RBM6: variants seen among roughly 807,000 people sequenced by gnomAD.
RBM6 encodes the protein RNA-binding protein 6.
In RBM6, 23 loss-of-function variants were observed where a neutral mutation model predicts 140.4. The observed-to-expected ratio is 0.16, with a 90% CI of 0.12 to 0.23. RBM6 has a LOEUF of 0.23. Among genes scored for constraint, RBM6 ranks in the 10% least tolerant of loss-of-function variants. The pLI, the probability that RBM6 is intolerant of heterozygous loss-of-function variation, is 1.00. For synonymous variants in RBM6, 439 were observed against 475.6 expected (o/e 0.92, Z 1.00); for missense variants, 1,139 against 1,386.7 (o/e 0.82, Z 2.84).
chr3:49,956,488 A>C (rs1009441690), intron 1 of RBM6, among the ~76,000 whole-genome samples: 1 of 150,516 alleles, frequency 6.6e-6, no homozygotes, highest in Non-Finnish European at 1.5e-5. Context: ...GCTTGCCACC[A>C]TGCCTGGCTA....
At chr3:50,076,128 C>T (rs992089216) in intron 20 of RBM6, among the ~76,000 whole-genome samples, 1 of 151,862 alleles carries the variant, frequency 6.6e-6, no homozygotes, top group Non-Finnish European at 1.5e-5. Flanking sequence ...ACCACCATAC[C>T]CAGCTAATTT....
At chr3:50,009,900 T>C (rs971439728) in intron 6 of RBM6, among the ~76,000 whole-genome samples, 2 of 152,094 alleles carry the variant, frequency 1.3e-5, no homozygotes, top group African/African-American at 4.8e-5. Flanking sequence ...TATTTATTTA[T>C]TTTTTGAGAC....
chr3:49,982,965 G>A (rs752297834), intron 5 of RBM6, among the ~76,000 whole-genome samples: 5 of 152,100 alleles, frequency 3.3e-5, no homozygotes, highest in Non-Finnish European at 7.4e-5. Flanking sequence ...ACCTGCCTCG[G>A]CCTCCCAAAG....
intron 6 of RBM6, among the ~76,000 whole-genome samples, chr3:50,018,894 A>G (rs780504612): frequency 6.6e-6 from 1 of 151,930 alleles, no homozygotes; most frequent in Non-Finnish European, 1.5e-5. Context: ...CAGCCTGTAG[A>G]GTATGTTTAA....
intron 20 of RBM6, 126 bp from the exon 21 acceptor site, chr3:50,076,882 T>TAAAA (rs199553129): frequency 5.1e-6 from 4 of 778,288 alleles, no homozygotes; most frequent in Non-Finnish European, 7.1e-6. Flanking sequence ...TGACTCCATC[T>TAAAA]AAAAAAAAAA....
At chr3:49,956,357 C>T (rs1324790910) in intron 1 of RBM6, among the ~76,000 whole-genome samples, 70 of 91,194 alleles carry the variant, frequency 7.7e-4, no homozygotes, top group Admixed American at 1.7e-3. Context: ...TTTTTTGAGA[C>T]GGAGTTTCAC....
chr3:49,975,603 A>G (rs1167205988), intron 5 of RBM6, among the ~76,000 whole-genome samples: 2 of 152,232 alleles, frequency 1.3e-5, no homozygotes, highest in Non-Finnish European at 2.9e-5. Context: ...TGCATGTTCC[A>G]GTTCTTCTGA....
intron 6 of RBM6, among the ~76,000 whole-genome samples, chr3:50,020,444 G>A (rs2087417874): frequency 6.6e-6 from 1 of 152,046 alleles, no homozygotes; most frequent in Non-Finnish European, 1.5e-5. Flanking sequence ...TTCCTAAAGT[G>A]GAAGCTCAGA....
chr3:50,032,538 A>G (rs1283832091), intron 6 of RBM6, among the ~76,000 whole-genome samples: 1 of 151,938 alleles, frequency 6.6e-6, no homozygotes, highest in Non-Finnish European at 1.5e-5. Flanking sequence ...GCAAATAGAC[A>G]TTGGGAGACT....
intron 4 of RBM6, 52 bp downstream of exon 4, chr3:49,972,200 A>G: frequency 7.1e-7 from 1 of 1,410,106 alleles, no homozygotes; most frequent in Non-Finnish European, 9.8e-7. Flanking sequence ...AATTAAAAAA[A>G]CCTTTTAATT....
chr3:50,052,087 G>A (rs556015308), intron 7 of RBM6, among the ~76,000 whole-genome samples: 2 of 152,270 alleles, frequency 1.3e-5, no homozygotes, highest in South Asian at 2.1e-4. Context: ...GTTTTTAAGA[G>A]AGAGTCTTGG....
At chr3:49,948,071 C>CT (rs1559512325) in intron 1 of RBM6, among the ~76,000 whole-genome samples, 2 of 151,458 alleles carry the variant, frequency 1.3e-5, no homozygotes, top group African/African-American at 4.9e-5. Context: ...CCAGCCTGGG[C>CT]GACAGAGCGA....
At chr3:50,051,134 G>A (rs1421733368) in intron 7 of RBM6, among the ~76,000 whole-genome samples, 1 of 152,078 alleles carries the variant, frequency 6.6e-6, no homozygotes, top group African/African-American at 2.4e-5. Context: ...GAGCCCAGGA[G>A]TTCGAGACCA....
At chr3:50,022,323 T>G (rs2087533977) in intron 6 of RBM6, among the ~76,000 whole-genome samples, 1 of 151,706 alleles carries the variant, frequency 6.6e-6, no homozygotes, top group Non-Finnish European at 1.5e-5. Flanking sequence ...AATGATTTAG[T>G]TTTTCTTCTT....
intron 6 of RBM6, among the ~76,000 whole-genome samples, chr3:50,022,047 CT>C (rs2108797503): frequency 6.6e-6 from 1 of 151,762 alleles, no homozygotes; most frequent in Non-Finnish European, 1.5e-5. Flanking sequence ...GAGTGAGCCC[CT>C]GTCTCAAAAA....
chr3:50,015,040 C>T lies in RBM6; in HGVS notation c.1557+15527C>T, dbSNP rs1487369375. ...CTCCAGCCTGGCCAACAGAGTGAGA[C>T]TGTCTCAAAAAAAAAAAAAAAAAAA... On this transcript the variant is annotated intron_variant, in intron 6 of 20. Transcript: ENST00000266022. 1.0e-4 allele frequency among the ~76,000 whole-genome samples: 8 copies of T among 78,400 alleles called. No homozygotes were observed. The South Asian group carries it at 2.2e-3, about 22-fold the overall frequency. 51.4% of individuals were successfully genotyped at this position (78,400 alleles called of 152,430 possible).
At chr3:50,054,483 C>T (rs2089620349) in intron 8 of RBM6, 88 bp downstream of exon 8, 1 of 1,208,752 alleles carries the variant, frequency 8.3e-7, no homozygotes, top group Non-Finnish European at 1.2e-6. Flanking sequence ...AATTATCATC[C>T]CTAAATCCAA....
Position 49,967,101 on chromosome 3 carries a change from T to C in RBM6, c.45-369T>C, listed in dbSNP as rs955594098. The stretch of plus-strand genomic sequence containing the variant: ...ATATATAGGAATCGTCATGTTGACC[T>C]TGGAATTCTTAAGTTCCCTGGCTGT... On this transcript the variant is annotated intron_variant, in intron 2 of 20. Transcript: ENST00000266022. The surrounding 1 kb of genome is among the most constrained non-coding windows in gnomAD (Gnocchi z 4.0). 2.3e-6 allele frequency: 1 copy of C among 439,638 alleles called. No homozygotes were observed. The highest frequency in any genetic ancestry group is 2.1e-5 in the African/African-American group (1 of 47,148). The allele number at this position is 439,638 out of a possible 1,614,324, so 27.2% of individuals were successfully genotyped here.
chr3:49,967,112 A>T lies in RBM6; in HGVS notation c.45-358A>T. 2 of 550,700 alleles carry T rather than the reference A, an allele frequency of 3.6e-6. No individual in the cohort carries two copies. The highest frequency in any genetic ancestry group is 4.8e-6 in the Non-Finnish European group (2 of 418,532). 34.1% of individuals were successfully genotyped at this position (550,700 alleles called of 1,614,324 possible). A position where few individuals can be genotyped will look rare whatever the true frequency, so the allele number is the denominator to read the frequency against. ...TCGTCATGTTGACCTTGGAATTCTT[A>T]AGTTCCCTGGCTGTAGGAAATGGAA... On this transcript the variant is annotated intron_variant, in intron 2 of 20. Transcript: ENST00000266022. The surrounding 1 kb of genome is among the most constrained non-coding windows in gnomAD (Gnocchi z 4.0).
Sources: gnomAD v4.1 joint callset for allele counts (sites outside exome capture counted in the v4.1 genomes callset) on GRCh38, gnomAD v4.1.1 for gene constraint, Gnocchi (gnomAD v3.1) non-coding constraint, MANE v1.5 for transcripts, NCBI Gene and HGNC (gene_info 2026-07-23, HGNC 2026-07-21) for gene names.